The following SVIL variants were observed in gnomAD, a reference collection of about 807,000 sequenced individuals.
SVIL encodes the protein supervillin.
In SVIL, 101 loss-of-function variants were observed where a neutral mutation model predicts 240.4. The ratio of observed to expected loss-of-function variants is 0.42; its 90% CI spans 0.36 to 0.50. The LOEUF is 0.50. SVIL is among the 20% of genes least tolerant of loss of function. SVIL has a pLI of 0.01. For synonymous variants in SVIL, 999 were observed against 1,100.0 expected, an observed-to-expected ratio of 0.91 and a Z score of 1.82; for missense variants, 2,512 against 2,818.7, an observed-to-expected ratio of 0.89 and a Z score of 2.46.
chr10:29,534,498 G>A (rs893299551), intron 7 of SVIL, among the ~76,000 whole-genome samples: 1 of 152,176 alleles, frequency 6.6e-6, no homozygotes, highest in African/African-American at 2.4e-5. Flanking sequence ...GAGAGGCTCT[G>A]TCCCTAAAAA....
At chr10:29,615,621 A>G (rs1427207873) in intron 1 of SVIL, among the ~76,000 whole-genome samples, 1 of 152,268 alleles carries the variant, frequency 6.6e-6, no homozygotes, top group Non-Finnish European at 1.5e-5. Flanking sequence ...TTGACAGATG[A>G]AGAAATCAAA....
At chr10:29,691,112 A>G (rs1961462121) in intron 1 of SVIL, among the ~76,000 whole-genome samples, 1 of 152,118 alleles carries the variant, frequency 6.6e-6, no homozygotes, top group South Asian at 2.1e-4. Context: ...AATGTTCTAT[A>G]GTAGAAAGAT....
chr10:29,542,553 T>C (rs1041388113), intron 6 of SVIL, among the ~76,000 whole-genome samples: 2 of 152,152 alleles, frequency 1.3e-5, no homozygotes, highest in Admixed American at 6.5e-5. Flanking sequence ...TGTGGGTACA[T>C]AGCAAGTGTA....
chr10:29,473,140 GGGAGCTTGGA>G (rs1370823383), intron 30 of SVIL, among the ~76,000 whole-genome samples: 2 of 152,050 alleles, frequency 1.3e-5, no homozygotes, highest in Non-Finnish European at 2.9e-5. Flanking sequence ...GAGGAGCAGG[GGGAGCTTGGA>G]GAGGTGCCCA....
chr10:29,647,624 GGT>G (rs1554886069), intron 3 of SVIL, among the ~76,000 whole-genome samples: 2 of 151,566 alleles, frequency 1.3e-5, no homozygotes, highest in African/African-American at 2.4e-5. Flanking sequence ...TGCAAATATA[GGT>G]GTGTGTGTGT....
intron 5 of SVIL, among the ~76,000 whole-genome samples, chr10:29,552,201 AT>A (rs1432054476): frequency 1.4e-5 from 2 of 145,268 alleles, no homozygotes; most frequent in Admixed American, 1.4e-4. Context: ...AGTTAATATA[AT>A]TTTTTCTTTA....
intron 29 of SVIL, among the ~76,000 whole-genome samples, chr10:29,480,181 T>C (rs997921814): frequency 2.0e-5 from 3 of 150,008 alleles, no homozygotes; most frequent in Non-Finnish European, 4.5e-5. Flanking sequence ...ACGACTTTAA[T>C]TGAAGCAGCA....
intron 5 of SVIL, among the ~76,000 whole-genome samples, chr10:29,554,167 C>T (rs961366809): frequency 6.6e-6 from 1 of 152,042 alleles, no homozygotes; most frequent in Non-Finnish European, 1.5e-5. Context: ...ATTTAATAGC[C>T]AGGCATGGTG....
intron 34 of SVIL, 113 bp from the exon 35 acceptor site, chr10:29,463,748 G>A (rs1288471718): frequency 6.9e-7 from 1 of 1,449,106 alleles, no homozygotes; most frequent in Non-Finnish European, 9.2e-7. Flanking sequence ...TGTCACAGGG[G>A]GAAACCCCCT....
At chr10:29,530,819 C>G in intron 10 of SVIL, 151 bp from the exon 11 acceptor site, 1 of 853,172 alleles carries the variant, frequency 1.2e-6, no homozygotes, top group Admixed American at 2.3e-5. Context: ...TTGCAGGGAG[C>G]CCATTCTTTC....
rs1420905821 is a variant in SVIL at position 29,457,646 on chromosome 10, T to G, written c.*601A>C. 1 of 152,616 alleles carries G rather than the reference T, an allele frequency of 6.6e-6. No homozygotes were observed. Among genetic ancestry groups the G allele is most frequent in the Non-Finnish European group, 1.5e-5 (1 of 68,046 alleles). 9.5% of individuals were successfully genotyped at this position (152,616 alleles called of 1,614,324 possible). On this transcript the variant is annotated 3_prime_UTR_variant, in exon 38 of 38. Transcript: ENST00000355867. ...CATTAAGTACAAATTCTTTGTTCAT[T>G]TTAGCACCGGAAGCAGTACTCAGAA...
chr10:29,479,410 T>G (rs907252811), intron 29 of SVIL, among the ~76,000 whole-genome samples: 5 of 152,194 alleles, frequency 3.3e-5, no homozygotes, highest in African/African-American at 9.6e-5. Context: ...GGGAGCCCAG[T>G]AGGCCCTCAG....
Position 29,499,269 on chromosome 10 carries a change from C to G in SVIL, c.3517-6G>C. ...TCTCGACTTTCTGTGACCCGCTGTT[C>G]ATAAATGTACAGAAGAGAAAACAGG... On this transcript the variant is annotated splice_polypyrimidine_tract_variant and splice_region_variant and intron_variant, in intron 17 of 37. Coordinates refer to ENST00000355867, the MANE Select transcript of SVIL (RefSeq NM_021738.3). 1 of 1,614,180 alleles carries G rather than the reference C, an allele frequency of 6.2e-7. No individual in the cohort carries two copies. The highest frequency in any genetic ancestry group is 8.5e-7 in the Non-Finnish European group (1 of 1,180,028).
upstream of SVIL, among the ~76,000 whole-genome samples, chr10:29,635,197 A>G (rs906784290): frequency 4.6e-5 from 7 of 152,230 alleles, no homozygotes; most frequent in Non-Finnish European, 1.0e-4. Context: ...AGCTACAACA[A>G]TACAGATTTG....
chr10:29,668,576 C>A (rs554430319), intron 2 of SVIL, among the ~76,000 whole-genome samples: 1 of 152,276 alleles, frequency 6.6e-6, no homozygotes, highest in African/African-American at 2.4e-5. Context: ...TGGGTTCAAG[C>A]AATTCTCCTG....
intron 1 of SVIL, among the ~76,000 whole-genome samples, chr10:29,613,069 C>T (rs962464747): frequency 6.7e-6 from 1 of 150,206 alleles, no homozygotes; most frequent in East Asian, 2.0e-4. Flanking sequence ...ACCAGCTACT[C>T]GGGAGGCTGA....
chr10:29,639,470 T>C (rs1406062660), upstream of SVIL, among the ~76,000 whole-genome samples: 5 of 37,512 alleles, frequency 1.3e-4, no homozygotes, highest in East Asian at 1.6e-3. Context: ...CGCCTGGCCC[T>C]TTTTTTTTTT....
At chr10:29,640,051 C>A (rs999247706) in intron 3 of SVIL, among the ~76,000 whole-genome samples, 2 of 152,154 alleles carry the variant, frequency 1.3e-5, no homozygotes, top group African/African-American at 2.4e-5. Context: ...TCATCTTCTG[C>A]CCCCAAAGTC....
chr10:29,638,695 G>A (rs1014202320), upstream of SVIL, among the ~76,000 whole-genome samples: 2 of 152,162 alleles, frequency 1.3e-5, no homozygotes, highest in Non-Finnish European at 2.9e-5. Flanking sequence ...AAGTTAATCC[G>A]AAAGTAAAAT....
Sources: gnomAD v4.1 joint callset for allele counts (sites outside exome capture counted in the v4.1 genomes callset) on GRCh38, gnomAD v4.1.1 for gene constraint, MANE v1.5 for transcripts, NCBI Gene and HGNC (gene_info 2026-07-23, HGNC 2026-07-21) for gene names.